The following PSD3 variants were observed in gnomAD, a reference collection of about 807,000 sequenced individuals.
PSD3 encodes PH and SEC7 domain-containing protein 3.
In PSD3, 49 loss-of-function variants were observed where a neutral mutation model predicts 105.5. The observed-to-expected ratio is 0.46, with a 90% CI of 0.37 to 0.59. The LOEUF is 0.59. Ranked by LOEUF, PSD3 falls within the 20% of genes least tolerant of loss-of-function variation. The probability of loss-of-function intolerance (pLI) is 0.00; values close to 1 mark genes in which losing one functional copy is unlikely to be tolerated. For synonymous variants in PSD3, 557 were observed against 457.8 expected, an observed-to-expected ratio of 1.22 and a Z score of -2.77; for missense variants, 1,561 against 1,263.8, an observed-to-expected ratio of 1.24 and a Z score of -3.57.
chr8:18,962,450 C>G (rs190133160), intron 1 of PSD3, among the ~76,000 whole-genome samples: 2,199 of 151,862 alleles, frequency 0.014, 68 homozygotes, highest in African/African-American at 0.05. Context: ...TATATGACAA[C>G]ACACACACAC....
chr8:19,031,986 G>A (rs1667422084), intron 1 of PSD3, among the ~76,000 whole-genome samples: 1 of 151,900 alleles, frequency 6.6e-6, no homozygotes, highest in Admixed American at 6.6e-5. Flanking sequence ...TTCTATTTTG[G>A]AGAAATGATA....
chr8:18,589,360 G>A (rs1451064200), intron 12 of PSD3, among the ~76,000 whole-genome samples: 1 of 152,132 alleles, frequency 6.6e-6, no homozygotes, highest in Non-Finnish European at 1.5e-5. Context: ...GAAGGATGCG[G>A]CAAATCATTT....
At chr8:18,573,098 G>A (rs922808010) in intron 13 of PSD3, among the ~76,000 whole-genome samples, 7 of 152,190 alleles carry the variant, frequency 4.6e-5, no homozygotes, top group African/African-American at 1.7e-4. Context: ...ACAGCTGACA[G>A]GTTCTTCGAA....
intron 1 of PSD3, among the ~76,000 whole-genome samples, chr8:19,074,806 G>A (rs929800626): frequency 6.0e-5 from 9 of 151,102 alleles, no homozygotes; most frequent in South Asian, 2.1e-4. Context: ...ATTTTTAGTG[G>A]AGACGGGGTT....
rs1396646575 is a variant in PSD3, at chr8:18,755,487, A to ATAACATAACATAAC, written c.2172+9961_2172+9962insGTTATGTTATGTTA. Among the ~76,000 whole-genome samples the ATAACATAACATAAC allele has an allele frequency of 7.4e-5, 6 of 80,784 alleles. No homozygotes were observed. The East Asian group carries it at 1.3e-3, about 17-fold the overall frequency. 53.0% of individuals were successfully genotyped at this position (80,784 alleles called of 152,430 possible). ...CATAACATAACATAACATAACATAAAAATGCTCCAAACATACAAACATTCA... is the reference window on the plus strand; with the variant it reads ...CATAACATAACATAACATAACATAAATAACATAACATAACAATGCTCCAAACATACAAACATTCA... On this transcript the variant is annotated intron_variant, in intron 9 of 15. Coordinates refer to ENST00000327040, the MANE Select transcript of PSD3 (RefSeq NM_015310.4).
intron 1 of PSD3, among the ~76,000 whole-genome samples, chr8:19,051,659 G>C (rs1297209081): frequency 2.0e-5 from 3 of 152,304 alleles, no homozygotes; most frequent in Non-Finnish European, 4.4e-5. Context: ...ACTACCTGCA[G>C]AACGATTTGT....
At chr8:18,558,286 C>G (rs1271914252) in intron 14 of PSD3, among the ~76,000 whole-genome samples, 3 of 152,108 alleles carry the variant, frequency 2.0e-5, no homozygotes, top group Non-Finnish European at 4.4e-5. Flanking sequence ...GACTTCTTGA[C>G]AAATGATATT....
chr8:18,820,856 C>T (rs1007803504), intron 4 of PSD3, among the ~76,000 whole-genome samples: 5 of 86,526 alleles, frequency 5.8e-5, no homozygotes, highest in Non-Finnish European at 1.2e-4. Context: ...TGGGCACAGG[C>T]AATCCTCCCT....
chr8:18,974,302 G>C lies in PSD3; in HGVS notation c.22-38160C>G, dbSNP rs184968924. Among the ~76,000 whole-genome samples the C allele has an allele frequency of 9.2e-4, 140 of 152,280 alleles. No individual in the cohort carries two copies. In the Middle Eastern group the frequency reaches 0.01, roughly 11 times the overall value. On this transcript the variant is annotated intron_variant, in intron 1 of 15. Coordinates refer to ENST00000327040, the MANE Select transcript of PSD3 (RefSeq NM_015310.4). ...GGGAACAGGATTCAAACCAACCTCT[G>C]AGTTATTTCAAATGCAAATCTTTTA...
At chr8:18,853,041 G>A (rs1815720437) in intron 4 of PSD3, among the ~76,000 whole-genome samples, 1 of 152,074 alleles carries the variant, frequency 6.6e-6, no homozygotes, top group Non-Finnish European at 1.5e-5. Context: ...GAAGCCTATG[G>A]GCCTATGACT....
At chr8:18,730,352 T>C (rs1021947421) in intron 9 of PSD3, 7 of 152,178 alleles carry the variant, frequency 4.6e-5, no homozygotes, top group African/African-American at 1.7e-4. Flanking sequence ...GTAAGTATTC[T>C]CCAATATAAA....
At chr8:18,681,384 A>G (rs1800378101) in intron 9 of PSD3, among the ~76,000 whole-genome samples, 1 of 149,876 alleles carries the variant, frequency 6.7e-6, no homozygotes, top group Non-Finnish European at 1.5e-5. Context: ...AGGTGGAAGG[A>G]CTGCTTGAGC....
chr8:19,074,328 A>AGGGAAATCTTCCAGGATGAG (rs1351891337), intron 1 of PSD3, among the ~76,000 whole-genome samples: 1 of 152,046 alleles, frequency 6.6e-6, no homozygotes, highest in African/African-American at 2.4e-5. Context: ...GCACCTGGGA[A>AGGGAAATCTTCCAGGATGAG]GGGAAATCTT....
chr8:18,948,550 T>C (rs1410083571), intron 1 of PSD3, among the ~76,000 whole-genome samples: 1 of 152,152 alleles, frequency 6.6e-6, no homozygotes, highest in East Asian at 1.9e-4. Flanking sequence ...ACAAGTACTA[T>C]GCAAAGCAGA....
intron 15 of PSD3, among the ~76,000 whole-genome samples, chr8:18,548,060 C>A (rs1800553530): frequency 6.6e-6 from 1 of 152,120 alleles, no homozygotes; most frequent in South Asian, 2.1e-4. Flanking sequence ...AAGTTCTCAG[C>A]TTCTTTCTTC....
At chr8:18,796,037 C>T (rs1810146618) in intron 8 of PSD3, among the ~76,000 whole-genome samples, 1 of 151,982 alleles carries the variant, frequency 6.6e-6, no homozygotes, top group African/African-American at 2.4e-5. Flanking sequence ...GCAAATTCAC[C>T]ACACGACTAC....
At chr8:18,857,736 T>TG (rs947676340) in intron 4 of PSD3, among the ~76,000 whole-genome samples, 2 of 152,116 alleles carry the variant, frequency 1.3e-5, no homozygotes, top group African/African-American at 4.8e-5. Context: ...TAGGTCAGGG[T>TG]GGGGCTGAGG....
chr8:18,722,698 T>C (rs376674789), intron 9 of PSD3, among the ~76,000 whole-genome samples: 1 of 152,204 alleles, frequency 6.6e-6, no homozygotes, highest in East Asian at 1.9e-4. Context: ...CAATAATGGA[T>C]GAGGGAGAAA....
At chr8:18,569,181 C>T (rs1657692275) in intron 14 of PSD3, among the ~76,000 whole-genome samples, 1 of 133,202 alleles carries the variant, frequency 7.5e-6, no homozygotes, top group Non-Finnish European at 1.6e-5. Flanking sequence ...GTGCATGTGT[C>T]TTTATAGCAG....
Sources: allele counts gnomAD v4.1 joint callset (sites outside exome capture counted in the v4.1 genomes callset), GRCh38; gene constraint gnomAD v4.1.1; transcripts MANE v1.5; gene names NCBI Gene and HGNC (gene_info 2026-07-23, HGNC 2026-07-21).